Variants in SAMSN1 observed in about 807,000 individuals in gnomAD.
The protein encoded by SAMSN1 is SAM domain-containing protein SAMSN-1.
A neutral mutation model predicts 42.0 loss-of-function variants in SAMSN1; 31 were observed. The ratio of observed to expected loss-of-function variants is 0.74; its 90% CI spans 0.55 to 1.00. The LOEUF (loss-of-function observed/expected upper bound fraction) is 1.00. Among genes scored for constraint, SAMSN1 ranks in the 50% least tolerant of loss-of-function variants. The pLI is 0.00. For synonymous variants in SAMSN1, 178 were observed against 151.9 expected, an observed-to-expected ratio of 1.17 and a Z score of -1.26; for missense variants, 464 against 439.4, an observed-to-expected ratio of 1.06 and a Z score of -0.50.
intron 5 of SAMSN1, among the ~76,000 whole-genome samples, chr21:14,606,555 T>C (rs760020978): frequency 5.5e-4 from 84 of 152,176 alleles, no homozygotes; most frequent in Non-Finnish European, 1.1e-3. Context: ...AAATGGACTT[T>C]AACTTACTAA....
rs546934293 is a variant in SAMSN1 at position 14,535,247 on chromosome 21, G to A, written c.57+10958C>T. Among the ~76,000 whole-genome samples, 35 of 152,292 alleles carry A rather than the reference G, an allele frequency of 2.3e-4. No homozygotes were observed. In the South Asian group the frequency reaches 6.8e-3, roughly 30 times the overall value. ...TATGCAGCCAGAAAGCATGGGTCAAGGGGGTCAAATAGATGTTTTACTTTT... is the reference window on the plus strand; with the variant it reads ...TATGCAGCCAGAAAGCATGGGTCAAAGGGGTCAAATAGATGTTTTACTTTT... On this transcript the variant is annotated intron_variant, in intron 1 of 7. Coordinates refer to ENST00000400566, the MANE Select transcript of SAMSN1 (RefSeq NM_022136.5).
chr21:14,556,519 A>G (rs1175012113), intron 2 of SAMSN1, among the ~76,000 whole-genome samples: 1 of 152,234 alleles, frequency 6.6e-6, no homozygotes, highest in Non-Finnish European at 1.5e-5. Flanking sequence ...ACACATACAC[A>G]TATTAGGCTG....
chr21:14,584,971 G>T (rs1355512922), upstream of SAMSN1, among the ~76,000 whole-genome samples: 5 of 152,100 alleles, frequency 3.3e-5, no homozygotes, highest in African/African-American at 1.2e-4. Flanking sequence ...TAAACTTGTT[G>T]ATCTGTCTCT....
At chr21:14,542,316 C>T (rs1172244595) in intron 1 of SAMSN1, among the ~76,000 whole-genome samples, 1 of 152,178 alleles carries the variant, frequency 6.6e-6, no homozygotes, top group African/African-American at 2.4e-5. Context: ...TTTCATCTAA[C>T]TCTGTGTCTT....
intron 1 of SAMSN1, chr21:14,582,571 T>A: frequency 3.5e-6 from 2 of 579,016 alleles, no homozygotes; most frequent in South Asian, 5.3e-5. Flanking sequence ...ATAAGAGAAA[T>A]AAATACACTG....
In SAMSN1 at chr21:14,651,034, A is replaced by G. The variant is rs376424603; in HGVS notation, c.24+7714T>C. On this transcript the variant is annotated intron_variant, in intron 1 of 15. Coordinates refer to the SAMSN1 transcript ENST00000647101. ...AAGTTACAAGATCAAAGCCATGAAAAAAGAAATCTCCCACTAAAGAAAAGC... is the reference window on the plus strand; with the variant it reads ...AAGTTACAAGATCAAAGCCATGAAAGAAGAAATCTCCCACTAAAGAAAAGC... Among the ~76,000 whole-genome samples the G allele has an allele frequency of 6.8e-4, 104 of 152,096 alleles. 1 individual carries two copies. The highest frequency in any genetic ancestry group is 2.3e-3 in the African/African-American group (95 of 41,548).
At chr21:14,560,607 T>C (rs1008045477) in intron 2 of SAMSN1, among the ~76,000 whole-genome samples, 5 of 152,170 alleles carry the variant, frequency 3.3e-5, no homozygotes, top group African/African-American at 9.7e-5. Flanking sequence ...AAGAAAACTC[T>C]GAGGAAGTTT....
intron 1 of SAMSN1, among the ~76,000 whole-genome samples, chr21:14,534,329 T>A (rs1398110735): frequency 6.6e-6 from 1 of 152,164 alleles, no homozygotes. Context: ...GTTCAATCCC[T>A]CTTGAATCCT....
chr21:14,561,948 T>C (rs528573917), intron 2 of SAMSN1, among the ~76,000 whole-genome samples: 1 of 152,368 alleles, frequency 6.6e-6, no homozygotes, highest in East Asian at 1.9e-4. Context: ...TCCTAGAGGC[T>C]TTGAAAAGAG....
chr21:14,562,936 G>A (rs903762355), intron 2 of SAMSN1, among the ~76,000 whole-genome samples: 43 of 152,124 alleles, frequency 2.8e-4, no homozygotes, highest in Non-Finnish European at 3.2e-4. Flanking sequence ...TGTATTCCAA[G>A]CTCTGATGTT....
chr21:14,529,274 T>C (rs1979083770), intron 1 of SAMSN1, among the ~76,000 whole-genome samples: 1 of 152,198 alleles, frequency 6.6e-6, no homozygotes, highest in Admixed American at 6.5e-5. Flanking sequence ...TCCGATGCCA[T>C]TTAGTGAACG....
At chr21:14,515,163 A>G (rs1987853510) in intron 3 of SAMSN1, among the ~76,000 whole-genome samples, 1 of 152,240 alleles carries the variant, frequency 6.6e-6, no homozygotes, top group Admixed American at 6.5e-5. Flanking sequence ...AAAAGTGACC[A>G]TTGGACCTGG....
chr21:14,581,507 C>G (rs545773445), intron 2 of SAMSN1, among the ~76,000 whole-genome samples: 2 of 150,180 alleles, frequency 1.3e-5, no homozygotes, highest in Non-Finnish European at 1.5e-5. Context: ...TACAGGTGCC[C>G]GCCACCACGC....
intron 1 of SAMSN1, among the ~76,000 whole-genome samples, chr21:14,646,108 A>G (rs1164717731): frequency 6.6e-6 from 1 of 152,190 alleles, no homozygotes; most frequent in Non-Finnish European, 1.5e-5. Flanking sequence ...ATTCAAAAGG[A>G]TAATAACAGA....
chr21:14,557,392 T>C (rs978129740), intron 2 of SAMSN1, among the ~76,000 whole-genome samples: 3 of 152,164 alleles, frequency 2.0e-5, no homozygotes, highest in Non-Finnish European at 2.9e-5. Context: ...TCATCCTCTC[T>C]CCTTCAGGGA....
chr21:14,614,554 G>A (rs111245793), intron 3 of SAMSN1, among the ~76,000 whole-genome samples: 4,651 of 152,160 alleles, frequency 0.031, 111 homozygotes, highest in South Asian at 0.073. Flanking sequence ...TCATGTGCTC[G>A]CTTCGGCAGC....
intron 1 of SAMSN1, among the ~76,000 whole-genome samples, chr21:14,657,420 C>G (rs931860177): frequency 1.3e-4 from 20 of 151,698 alleles, no homozygotes; most frequent in African/African-American, 4.8e-4. Context: ...TGCTCCCTTC[C>G]CTATATCACA....
At chr21:14,577,284 A>AATTTTTT (rs1981535189) in intron 2 of SAMSN1, among the ~76,000 whole-genome samples, 1 of 53,856 alleles carries the variant, frequency 1.9e-5, no homozygotes, top group African/African-American at 8.4e-5. Flanking sequence ...ATATATATAT[A>AATTTTTT]TTTTTTTTTT....
chr21:14,611,375 G>C (rs773489493), intron 4 of SAMSN1, among the ~76,000 whole-genome samples: 11 of 152,210 alleles, frequency 7.2e-5, no homozygotes, highest in Non-Finnish European at 1.6e-4. Context: ...ACTTACTACA[G>C]ATAAATCATT....
Sources: allele counts gnomAD v4.1 joint callset (sites outside exome capture counted in the v4.1 genomes callset), GRCh38; gene constraint gnomAD v4.1.1; transcripts MANE v1.5; gene names NCBI Gene and HGNC (gene_info 2026-07-23, HGNC 2026-07-21).